The following KCNJ3 variants were observed in gnomAD, a reference collection of about 807,000 sequenced individuals.
The protein encoded by KCNJ3 is potassium inwardly rectifying channel subfamily J member 3.
A neutral mutation model predicts 39.2 loss-of-function variants in KCNJ3; 4 were observed. The observed-to-expected ratio is 0.10, with a 90% CI of 0.05 to 0.23. The LOEUF (loss-of-function observed/expected upper bound fraction) is 0.23. Among genes scored for constraint, KCNJ3 ranks in the 10% least tolerant of loss-of-function variants. The pLI is 1.00. For missense variants in KCNJ3, 276 were observed against 634.9 expected, an observed-to-expected ratio of 0.43 and a Z score of 6.08; for synonymous variants, 230 against 237.4, an observed-to-expected ratio of 0.97 and a Z score of 0.29.
At chr2:154,830,955 C>A (rs943701009) in intron 2 of KCNJ3, among the ~76,000 whole-genome samples, 2 of 152,244 alleles carry the variant, frequency 1.3e-5, no homozygotes, top group African/African-American at 4.8e-5. Flanking sequence ...AGAAATTGTT[C>A]CTAGCCAGCC....
At position 154,709,695 on chromosome 2, in the gene KCNJ3, G is replaced by A. The variant is rs761550314; in HGVS notation, c.795G>A (p.Val265=). ...CAGGGGCAGATCAACTTTTTCTTGT[G>A]TCCCCCCTCACAATTTGCCACGTGA... ...FSTGADQLFL[V]SPLTICHVID... The change falls in exon 2 of 3, where the codon GTG becomes GTA. Residue 265 remains valine, a synonymous_variant. Coordinates refer to ENST00000295101, the MANE Select transcript of KCNJ3 (RefSeq NM_002239.4). The A allele has an allele frequency of 1.7e-5, 28 of 1,613,726 alleles. No homozygotes were observed. Among genetic ancestry groups the A allele is most frequent in the African/African-American group, 2.7e-5 (2 of 74,848 alleles).
intron 2 of KCNJ3, among the ~76,000 whole-genome samples, chr2:154,711,501 G>A (rs4569424): frequency 0.036 from 5,471 of 151,932 alleles, 165 homozygotes; most frequent in Non-Finnish European, 0.048. Context: ...CTAGCTACCC[G>A]TTCATTCATT....
intron 2 of KCNJ3, among the ~76,000 whole-genome samples, chr2:154,721,438 G>C (rs1365924875): frequency 1.3e-5 from 2 of 152,022 alleles, no homozygotes; most frequent in East Asian, 1.9e-4. Context: ...AGCTCTCCTG[G>C]GTTCCAGGTT....
chr2:154,840,831 G>A (rs1348434580), intron 2 of KCNJ3, among the ~76,000 whole-genome samples: 1 of 152,122 alleles, frequency 6.6e-6, no homozygotes, highest in Non-Finnish European at 1.5e-5. Context: ...AGGAGATTTT[G>A]GGCTGAGATG....
intron 2 of KCNJ3, among the ~76,000 whole-genome samples, chr2:154,833,341 GTTAT>G (rs1485826125): frequency 1.3e-5 from 2 of 152,106 alleles, no homozygotes; most frequent in African/African-American, 4.8e-5. Flanking sequence ...TTCTGTTTTT[GTTAT>G]TTAAATTTTT....
At chr2:154,821,364 C>A (rs1185391112) in intron 2 of KCNJ3, among the ~76,000 whole-genome samples, 2 of 152,128 alleles carry the variant, frequency 1.3e-5, no homozygotes, top group Admixed American at 6.6e-5. Flanking sequence ...TTTTCATGAG[C>A]AGATTACTAG....
At chr2:154,824,407 A>G (rs1687235141) in intron 2 of KCNJ3, among the ~76,000 whole-genome samples, 2 of 152,180 alleles carry the variant, frequency 1.3e-5, no homozygotes, top group South Asian at 2.1e-4. Context: ...ATTTTTATTA[A>G]TATTTATTCT....
intron 2 of KCNJ3, among the ~76,000 whole-genome samples, chr2:154,714,615 G>A (rs539737568): frequency 6.6e-6 from 1 of 152,166 alleles, no homozygotes; most frequent in East Asian, 1.9e-4. Context: ...TTAATTCAAA[G>A]TCACCTTGTC....
chr2:154,765,404 C>T (rs1005397478), intron 2 of KCNJ3, among the ~76,000 whole-genome samples: 1 of 152,126 alleles, frequency 6.6e-6, no homozygotes, highest in Non-Finnish European at 1.5e-5. Flanking sequence ...TATTTATATA[C>T]ATATTTTGCA....
At chr2:154,854,527 C>A (rs1034883271) in intron 2 of KCNJ3, among the ~76,000 whole-genome samples, 200 bp from the exon 3 acceptor site, 2 of 151,966 alleles carry the variant, frequency 1.3e-5, no homozygotes, top group African/African-American at 4.8e-5. Context: ...GTATCATCAC[C>A]CTGTGTTTTT....
intron 2 of KCNJ3, among the ~76,000 whole-genome samples, chr2:154,809,495 CA>C (rs1157504612): frequency 6.6e-6 from 1 of 152,104 alleles, no homozygotes; most frequent in Non-Finnish European, 1.5e-5. Flanking sequence ...TCTATAAAAG[CA>C]ATTATCAGAA....
chr2:154,822,771 C>T (rs1687206097), intron 2 of KCNJ3, among the ~76,000 whole-genome samples: 1 of 151,680 alleles, frequency 6.6e-6, no homozygotes, highest in African/African-American at 2.4e-5. Context: ...TCTAAAAGTA[C>T]CAGCAGTTGA....
intron 2 of KCNJ3, among the ~76,000 whole-genome samples, chr2:154,740,910 T>G (rs958411702): frequency 2.0e-5 from 3 of 152,030 alleles, no homozygotes; most frequent in Non-Finnish European, 4.4e-5. Context: ...TTAGTCACCT[T>G]CCTTGAGTGT....
At chr2:154,735,796 G>T (rs1685520205) in intron 2 of KCNJ3, among the ~76,000 whole-genome samples, 1 of 152,002 alleles carries the variant, frequency 6.6e-6, no homozygotes, top group Non-Finnish European at 1.5e-5. Context: ...CCACATTTTT[G>T]AAGAAATACA....
At chr2:154,853,507 T>C (rs747554177) in intron 2 of KCNJ3, among the ~76,000 whole-genome samples, 5 of 152,090 alleles carry the variant, frequency 3.3e-5, no homozygotes, top group Non-Finnish European at 7.4e-5. Context: ...AGAAAAACTA[T>C]CATCACTTAT....
chr2:154,757,785 G>A (rs1217051517), intron 2 of KCNJ3, among the ~76,000 whole-genome samples: 4 of 152,092 alleles, frequency 2.6e-5, no homozygotes, highest in Non-Finnish European at 4.4e-5. Flanking sequence ...CTTCAGTGGT[G>A]GTGCATTGTT....
chr2:154,737,313 T>C (rs151154908), intron 2 of KCNJ3, among the ~76,000 whole-genome samples: 1 of 152,154 alleles, frequency 6.6e-6, no homozygotes, highest in African/African-American at 2.4e-5. Context: ...AAAAGTAAGA[T>C]TTGAAAAAGT....
At chr2:154,776,047 G>C (rs1427691756) in intron 2 of KCNJ3, among the ~76,000 whole-genome samples, 3 of 151,410 alleles carry the variant, frequency 2.0e-5, no homozygotes, top group Admixed American at 2.0e-4. Context: ...TGTTGCCTAG[G>C]CTGGAGTGTA....
At chr2:154,820,468 C>G (rs756431316) in intron 2 of KCNJ3, among the ~76,000 whole-genome samples, 12 of 152,190 alleles carry the variant, frequency 7.9e-5, no homozygotes, top group Non-Finnish European at 1.6e-4. Flanking sequence ...TCAGGAGACG[C>G]AACATCTGCT....
Sources: gnomAD v4.1 joint callset for allele counts (sites outside exome capture counted in the v4.1 genomes callset) on GRCh38, gnomAD v4.1.1 for gene constraint, MANE v1.5 for transcripts, NCBI Gene and HGNC (gene_info 2026-07-23, HGNC 2026-07-21) for gene names.